NCOA2: variants seen among roughly 807,000 people sequenced by gnomAD.
NCOA2 encodes the protein nuclear receptor coactivator 2.
In NCOA2, 21 loss-of-function variants were observed where a neutral mutation model predicts 145.1. The ratio of observed to expected loss-of-function variants is 0.14; its 90% CI spans 0.10 to 0.21. NCOA2 has a LOEUF of 0.21. Ranked by LOEUF, NCOA2 falls within the 10% of genes least tolerant of loss-of-function variation. NCOA2 has a pLI of 1.00. For missense variants in NCOA2, 1,472 were observed against 1,837.6 expected (o/e 0.80, Z 3.64); for synonymous variants, 619 against 637.5 (o/e 0.97, Z 0.44).
chr8:70,206,816 A>G (rs10957516), intron 4 of NCOA2, among the ~76,000 whole-genome samples: 81,068 of 151,994 alleles, frequency 0.53, 25,655 homozygotes, highest in Non-Finnish European at 0.71. Flanking sequence ...AGGCTCCTCT[A>G]TTTCCTGTGT....
chr8:70,370,688 G>A (rs557728623), intron 1 of NCOA2, among the ~76,000 whole-genome samples: 7 of 151,860 alleles, frequency 4.6e-5, no homozygotes, highest in Non-Finnish European at 8.8e-5. Flanking sequence ...TTTCCTCCAC[G>A]TACGTTATTT....
At chr8:70,119,609 GT>G (rs1807552959) in intron 22 of NCOA2, among the ~76,000 whole-genome samples, 1 of 152,066 alleles carries the variant, frequency 6.6e-6, no homozygotes, top group Non-Finnish European at 1.5e-5. Flanking sequence ...TGATAATTCT[GT>G]TTTTAGTTTT....
chr8:70,288,507 G>A (rs1373766987), intron 2 of NCOA2, among the ~76,000 whole-genome samples: 2 of 151,866 alleles, frequency 1.3e-5, no homozygotes, highest in Non-Finnish European at 1.5e-5. Context: ...CTTGAACCCA[G>A]AAGGCAGAGG....
At chr8:70,241,238 A>G (rs1030592979) in intron 2 of NCOA2, among the ~76,000 whole-genome samples, 74 of 152,156 alleles carry the variant, frequency 4.9e-4, no homozygotes, top group African/African-American at 1.7e-3. Context: ...AAAAGAAACT[A>G]AGTAAGAAAA....
At chr8:70,299,562 A>G (rs1827337231) in intron 1 of NCOA2, among the ~76,000 whole-genome samples, 1 of 152,234 alleles carries the variant, frequency 6.6e-6, no homozygotes. Context: ...ACAATAAGGA[A>G]AAGTACATGA....
intron 2 of NCOA2, among the ~76,000 whole-genome samples, chr8:70,242,534 A>G (rs1398859455): frequency 6.6e-6 from 1 of 152,136 alleles, no homozygotes; most frequent in Admixed American, 6.6e-5. Flanking sequence ...AGAGAAATGG[A>G]TAAGCCAACT....
At chr8:70,323,521 A>C (rs1806277239) in intron 1 of NCOA2, among the ~76,000 whole-genome samples, 1 of 152,212 alleles carries the variant, frequency 6.6e-6, no homozygotes, top group Non-Finnish European at 1.5e-5. Context: ...AAGGTCATTG[A>C]TATTAAGGGT....
intron 7 of NCOA2, 98 bp downstream of exon 7, chr8:70,166,468 C>T (rs915277257): frequency 7.4e-7 from 1 of 1,345,382 alleles, no homozygotes; most frequent in Non-Finnish European, 1.1e-6. Context: ...GATACTGCCT[C>T]CTCACTTTTC....
At chr8:70,369,090 T>C (rs967951765) in intron 1 of NCOA2, among the ~76,000 whole-genome samples, 3 of 152,248 alleles carry the variant, frequency 2.0e-5, no homozygotes, top group Admixed American at 2.0e-4. Context: ...GTTAACAGTA[T>C]GCCTAAAATA....
chr8:70,338,865 T>G (rs1215921361), intron 1 of NCOA2, among the ~76,000 whole-genome samples: 1 of 152,054 alleles, frequency 6.6e-6, no homozygotes, highest in Non-Finnish European at 1.5e-5. Context: ...ATTATCTCAA[T>G]ACACGCAGAA....
At chr8:70,216,627 A>G in intron 3 of NCOA2, 33 bp downstream of exon 3, 1 of 1,534,648 alleles carries the variant, frequency 6.5e-7, no homozygotes, top group Non-Finnish European at 9.0e-7. Flanking sequence ...TTTAACAGAC[A>G]ATACTGATTC....
chr8:70,116,143 C>A (rs990663379), intron 22 of NCOA2, among the ~76,000 whole-genome samples: 5 of 144,348 alleles, frequency 3.5e-5, no homozygotes, highest in Non-Finnish European at 5.9e-5. Context: ...GCCGAGATTG[C>A]GCCACTGCAC....
At chr8:70,221,077 C>T (rs1304571584) in intron 2 of NCOA2, among the ~76,000 whole-genome samples, 1 of 152,174 alleles carries the variant, frequency 6.6e-6, no homozygotes, top group African/African-American at 2.4e-5. Flanking sequence ...GATAAATCAT[C>T]TAGCTCTTGT....
intron 2 of NCOA2, among the ~76,000 whole-genome samples, chr8:70,225,007 A>G (rs943793240): frequency 3.9e-5 from 6 of 152,120 alleles, no homozygotes; most frequent in African/African-American, 9.7e-5. Flanking sequence ...TAAGTTGCCC[A>G]TCATCCCGAG....
At chr8:70,240,114 A>G (rs1437940801) in intron 2 of NCOA2, among the ~76,000 whole-genome samples, 1 of 152,136 alleles carries the variant, frequency 6.6e-6, no homozygotes, top group Non-Finnish European at 1.5e-5. Flanking sequence ...GGGCAGCCCT[A>G]TTTGACTGCA....
intron 2 of NCOA2, among the ~76,000 whole-genome samples, chr8:70,249,018 G>A (rs1053446845): frequency 3.3e-5 from 5 of 151,960 alleles, no homozygotes; most frequent in East Asian, 1.9e-4. Context: ...TCCACCCCCC[G>A]GATGGACATG....
chr8:70,159,242 A>ATATATATATATATATATATATTT, intron 10 of NCOA2, among the ~76,000 whole-genome samples: 4 of 61,076 alleles, frequency 6.5e-5, no homozygotes, highest in East Asian at 2.9e-4. Context: ...ATATATATAT[A>ATATATATATATATATATATATTT]TTTTTTTTTT....
upstream of NCOA2, among the ~76,000 whole-genome samples, chr8:70,408,034 T>C (rs1814808576): frequency 6.6e-6 from 1 of 151,924 alleles, no homozygotes; most frequent in Admixed American, 6.6e-5. Flanking sequence ...CCCTTATTTC[T>C]CCCCCTCTAT....
intron 2 of NCOA2, chr8:70,273,971 AAT>A: frequency 2.8e-6 from 1 of 359,310 alleles, no homozygotes; most frequent in South Asian, 2.3e-5. Context: ...CTAGATCTCT[AAT>A]ATTTTTAAGC....
Sources: gnomAD v4.1 joint callset for allele counts (sites outside exome capture counted in the v4.1 genomes callset) on GRCh38, gnomAD v4.1.1 for gene constraint, MANE v1.5 for transcripts, NCBI Gene and HGNC (gene_info 2026-07-23, HGNC 2026-07-21) for gene names.